SV2C: variants seen among roughly 807,000 people sequenced by gnomAD.
The protein encoded by SV2C is solute carrier family 22 member B3.
Under a neutral mutation model 79.7 loss-of-function variants are expected in SV2C, and 49 were observed. The observed-to-expected ratio is 0.61, with a 90% CI of 0.49 to 0.78. The LOEUF (loss-of-function observed/expected upper bound fraction) is 0.78. SV2C is among the 30% of genes least tolerant of loss of function. The pLI, the probability that SV2C is intolerant of heterozygous loss-of-function variation, is 0.00. For missense variants in SV2C, 833 were observed against 912.9 expected (o/e 0.91, Z 1.13); for synonymous variants, 334 against 333.2 (o/e 1.00, Z -0.03).
intron 8 of SV2C, among the ~76,000 whole-genome samples, chr5:76,293,485 T>C (rs1441777253): frequency 6.6e-6 from 1 of 152,202 alleles, no homozygotes; most frequent in Non-Finnish European, 1.5e-5. Flanking sequence ...GCTAAATAAA[T>C]GACAAATTAG....
the SV2C span, among the ~76,000 whole-genome samples, chr5:75,909,543 G>T: frequency 6.6e-6 from 1 of 152,184 alleles, no homozygotes; most frequent in Non-Finnish European, 1.5e-5. Context: ...GTGGGCTCAA[G>T]GTAGCAGAGG....
chr5:76,196,029 A>G (rs1309727923), intron 3 of SV2C, among the ~76,000 whole-genome samples: 2 of 152,250 alleles, frequency 1.3e-5, no homozygotes, highest in Non-Finnish European at 2.9e-5. Context: ...TTAAACATAA[A>G]TGAAGAAAAT....
intron 4 of SV2C, among the ~76,000 whole-genome samples, chr5:76,237,709 C>CTAGGT (rs890230207): frequency 5.3e-5 from 8 of 152,074 alleles, no homozygotes; most frequent in Non-Finnish European, 1.0e-4. Context: ...ACATAGAATT[C>CTAGGT]TAGGTTGGAA....
At chr5:76,014,203 AAAG>A in the SV2C span, among the ~76,000 whole-genome samples, 1 of 151,684 alleles carries the variant, frequency 6.6e-6, no homozygotes, top group African/African-American at 2.4e-5. Flanking sequence ...AAAGAGAAAG[AAAG>A]AAAGGAAAAG....
intron 6 of SV2C, among the ~76,000 whole-genome samples, chr5:76,289,660 C>T (rs935110682): frequency 1.3e-5 from 2 of 152,182 alleles, no homozygotes; most frequent in African/African-American, 4.8e-5. Flanking sequence ...ATTCACTGCC[C>T]TCTGGCCTTC....
intron 1 of SV2C, among the ~76,000 whole-genome samples, chr5:76,111,974 C>T (rs896172008): frequency 1.3e-5 from 2 of 152,158 alleles, no homozygotes; most frequent in African/African-American, 4.8e-5. Context: ...GGTCACAATC[C>T]ACATTTGCAT....
chr5:76,093,799 T>C (rs958650220), intron 1 of SV2C, among the ~76,000 whole-genome samples: 1 of 101,088 alleles, frequency 9.9e-6, no homozygotes, highest in Admixed American at 9.4e-5. Flanking sequence ...CACTGGGCTC[T>C]TATCAAATTA....
the SV2C span, chr5:75,910,743 A>G: frequency 3.6e-6 from 5 of 1,372,114 alleles, no homozygotes; most frequent in Non-Finnish European, 5.2e-6. Flanking sequence ...CTGAACCAAA[A>G]ACTACTAGAG....
the SV2C span, among the ~76,000 whole-genome samples, chr5:75,922,264 C>G: frequency 6.6e-6 from 1 of 152,182 alleles, no homozygotes; most frequent in South Asian, 2.1e-4. Context: ...AAAATCTAGT[C>G]CTTTCCCCCC....
chr5:76,096,318 T>C (rs1399248064), intron 1 of SV2C, among the ~76,000 whole-genome samples: 1 of 152,228 alleles, frequency 6.6e-6, no homozygotes, highest in Non-Finnish European at 1.5e-5. Flanking sequence ...ACAATACTTG[T>C]ATTCTTTATG....
the SV2C span, among the ~76,000 whole-genome samples, chr5:76,020,190 C>T: frequency 2.0e-5 from 3 of 152,090 alleles, no homozygotes; most frequent in African/African-American, 7.2e-5. Context: ...ATGGAAGAAG[C>T]TAGATATGGA....
intron 1 of SV2C, among the ~76,000 whole-genome samples, chr5:76,109,815 C>T (rs1010947579): frequency 6.6e-6 from 1 of 152,128 alleles, no homozygotes; most frequent in African/African-American, 2.4e-5. Flanking sequence ...TCATTTCAGA[C>T]TTTTAGCCTC....
chr5:75,943,962 AAAAGGTAT>A, the SV2C span, among the ~76,000 whole-genome samples: 15 of 152,210 alleles, frequency 9.9e-5, no homozygotes, highest in Non-Finnish European at 2.2e-4. Flanking sequence ...TTTATACACT[AAAAGGTAT>A]AAAGCATGAA....
In SV2C at chr5:76,291,258, T is replaced by C; in HGVS notation, c.1175T>C (p.Leu392Pro). 1.9e-6 allele frequency: 3 copies of C among 1,613,234 alleles called. No homozygotes were observed. The highest frequency in any genetic ancestry group is 2.5e-6 in the Non-Finnish European group (3 of 1,179,604). ...AAAACTCCTAAACAAATAGATGAGC[T>C]GATTGAAATTGAGAGTGACACAGGA... ...KIKTPKQIDE[L>P]IEIESDTGTW... Residue 392 changes from leucine (L) to proline (P), a missense_variant, in exon 7 of 13, where the codon CTG (leucine) becomes CCG (proline). Physicochemically the swap from Leu to Pro is moderately conservative, Grantham distance 98. Transcript: ENST00000502798.
the SV2C span, among the ~76,000 whole-genome samples, chr5:75,958,036 C>T: frequency 6.6e-6 from 1 of 151,934 alleles, no homozygotes; most frequent in African/African-American, 2.4e-5. Context: ...GTTCAAAATG[C>T]CTTTTGAGCA....
At chr5:76,020,934 A>T in the SV2C span, among the ~76,000 whole-genome samples, 1,939 of 152,344 alleles carry the variant, frequency 0.013, 44 homozygotes, top group African/African-American at 0.045. Flanking sequence ...TGAAGTCACC[A>T]AACAGGAACA....
chr5:76,177,408 A>G (rs996711520), intron 2 of SV2C, among the ~76,000 whole-genome samples: 1 of 151,712 alleles, frequency 6.6e-6, no homozygotes, highest in Admixed American at 6.6e-5. Context: ...TTCAATATAT[A>G]CATACCCATG....
intron 2 of SV2C, among the ~76,000 whole-genome samples, chr5:76,177,601 T>A (rs1207658796): frequency 1.3e-5 from 2 of 152,240 alleles, no homozygotes; most frequent in African/African-American, 4.8e-5. Context: ...CTGAAACCAC[T>A]GAAGGCAAAA....
At chr5:75,959,436 A>G in the SV2C span, among the ~76,000 whole-genome samples, 1 of 151,992 alleles carries the variant, frequency 6.6e-6, no homozygotes, top group Non-Finnish European at 1.5e-5. Flanking sequence ...TAATTCCTCT[A>G]TACTGAATGC....
Sources: gnomAD v4.1 joint callset for allele counts (sites outside exome capture counted in the v4.1 genomes callset) on GRCh38, gnomAD v4.1.1 for gene constraint, MANE v1.5 for transcripts, NCBI Gene and HGNC (gene_info 2026-07-23, HGNC 2026-07-21) for gene names.